Variants in KCNMB3 observed in about 807,000 individuals in gnomAD.
KCNMB3 encodes calcium-activated potassium channel subunit beta-3.
In KCNMB3, 18 loss-of-function variants were observed where a neutral mutation model predicts 11.9. The ratio of observed to expected loss-of-function variants is 1.51; its 90% confidence interval spans 1.04 to 2.23. KCNMB3 has a LOEUF of 2.23. Ranked by LOEUF, KCNMB3 falls within the 30% of genes most tolerant of loss-of-function variation. The probability of loss-of-function intolerance (pLI) is 0.00; values close to 1 mark genes in which losing one functional copy is unlikely to be tolerated. For missense variants in KCNMB3, 247 were observed against 329.4 expected, an observed-to-expected ratio of 0.75 and a Z score of 1.94; for synonymous variants, 78 against 119.2, an observed-to-expected ratio of 0.65 and a Z score of 2.25.
upstream of KCNMB3, among the ~76,000 whole-genome samples, chr3:179,253,563 T>A (rs1315134170): frequency 6.6e-6 from 1 of 152,190 alleles, no homozygotes; most frequent in African/African-American, 2.4e-5. Context: ...CCCAGCACTT[T>A]GGGAGGCCAA....
At chr3:179,247,605 C>T (rs545821404) in intron 1 of KCNMB3, among the ~76,000 whole-genome samples, 95 of 152,232 alleles carry the variant, frequency 6.2e-4, no homozygotes, top group South Asian at 3.9e-3. Flanking sequence ...GGTTTCCTAG[C>T]AGCCAAAGCA....
upstream of KCNMB3, among the ~76,000 whole-genome samples, chr3:179,253,021 C>T (rs2108448914): frequency 6.6e-6 from 1 of 152,276 alleles, no homozygotes; most frequent in Non-Finnish European, 1.5e-5. Flanking sequence ...TGAGCCACTG[C>T]ACCCAGCCAC....
chr3:179,253,691 A>C (rs2108449416), upstream of KCNMB3, among the ~76,000 whole-genome samples: 1 of 152,234 alleles, frequency 6.6e-6, no homozygotes, highest in East Asian at 1.9e-4. Flanking sequence ...CTGTAATCAC[A>C]GCTTCTCAGG....
chr3:179,259,127 G>T, intron 1 of KCNMB3: 1 of 1,580,672 alleles, frequency 6.3e-7, no homozygotes, highest in South Asian at 1.2e-5. Flanking sequence ...GTGCCAACAA[G>T]TCATGGTTTT....
intron 1 of KCNMB3, among the ~76,000 whole-genome samples, chr3:179,266,322 C>A (rs1726368066): frequency 1.3e-5 from 2 of 152,210 alleles, no homozygotes; most frequent in Non-Finnish European, 2.9e-5. Flanking sequence ...GGTCTAATTT[C>A]TTCATTCCTC....
At position 179,258,994 on chromosome 3, in the gene KCNMB3, C is replaced by T. The variant is rs778601296; in HGVS notation, c.62+7655G>A. On this transcript the variant is annotated intron_variant, in intron 1 of 3. Transcript: ENST00000349697. ...GCCCCTCACACTCAGACTTCCTGTG[C>T]ACCACGCCTGCCGCCTGCCTCAGCT... 21 of 1,614,068 alleles carry T rather than the reference C, an allele frequency of 1.3e-5. No individual in the cohort carries two copies. The Admixed American group carries it at 2.2e-4, about 17-fold the overall frequency.
At chr3:179,263,009 G>A (rs558956581) in intron 1 of KCNMB3, among the ~76,000 whole-genome samples, 88 of 152,354 alleles carry the variant, frequency 5.8e-4, no homozygotes, top group African/African-American at 1.9e-3. Context: ...ATCCCGCACC[G>A]GGGCCACAGG....
At chr3:179,259,166 G>GA in intron 1 of KCNMB3, 1 of 1,563,556 alleles carries the variant, frequency 6.4e-7, no homozygotes, top group Non-Finnish European at 8.6e-7. Context: ...AAGCTTTCCT[G>GA]ATGGTCTGAC....
intron 1 of KCNMB3, among the ~76,000 whole-genome samples, chr3:179,247,655 A>G (rs1390438672): frequency 6.6e-6 from 1 of 152,206 alleles, no homozygotes; most frequent in African/African-American, 2.4e-5. Context: ...CCTGGCGTCC[A>G]TTAAATGAAA....
intron 1 of KCNMB3, chr3:179,259,071 G>T (rs1726115942): frequency 1.2e-6 from 2 of 1,608,976 alleles, no homozygotes; most frequent in Non-Finnish European, 1.7e-6. Flanking sequence ...CCCTCCTCTG[G>T]TATCTTCTCT....
chr3:179,260,402 C>T (rs1726165227), intron 1 of KCNMB3: 1 of 1,613,844 alleles, frequency 6.2e-7, no homozygotes, highest in Non-Finnish European at 8.5e-7. Context: ...ATTTCTGGTC[C>T]TCGGTATTCT....
At chr3:179,247,224 G>T in intron 1 of KCNMB3, among the ~76,000 whole-genome samples, 1 of 152,054 alleles carries the variant, frequency 6.6e-6, no homozygotes, top group South Asian at 2.1e-4. Context: ...GTACCCTCAA[G>T]CCATCTCCCA....
At chr3:179,266,992 C>CTA, upstream of KCNMB3, 1 of 1,174,076 alleles carries the variant, frequency 8.5e-7, no homozygotes, top group Non-Finnish European at 1.1e-6. Context: ...GCTTCTCTCT[C>CTA]TTTGCACTGT....
chr3:179,243,110 G>A lies in KCNMB3; in HGVS notation c.622C>T (p.His208Tyr). The change falls in exon 3 of 3, where the codon CAC (histidine) becomes TAC (tyrosine). Residue 208 changes from histidine (H) to tyrosine (Y), a missense_variant. Transcript: ENST00000392685. ...GTCAGTGAAGGCCAAAATAAACAGT[G>A]GAAGATAGCCATTTGGTCATACTTT... Reference protein sequence around the residue: ...IKKYDQMAIFHCLFWPSLTLL... With the variant: ...IKKYDQMAIFYCLFWPSLTLL... The A allele has an allele frequency of 1.3e-6, 2 of 1,544,558 alleles. No homozygotes were observed. Among genetic ancestry groups the A allele is most frequent in the South Asian group, 1.2e-5 (1 of 80,708 alleles).
downstream of KCNMB3, chr3:179,239,849 C>T (rs1725405113): frequency 3.9e-6 from 2 of 510,102 alleles, no homozygotes; most frequent in Non-Finnish European, 7.0e-6. Flanking sequence ...TTTTTAATGT[C>T]CTTTTAATGA....
intron 1 of KCNMB3, among the ~76,000 whole-genome samples, chr3:179,248,146 C>A (rs1044313381): frequency 6.6e-6 from 1 of 152,078 alleles, no homozygotes. Context: ...GCAAGTCTTA[C>A]GTCAGAATGA....
intron 1 of KCNMB3, among the ~76,000 whole-genome samples, chr3:179,244,966 A>G (rs1210543730): frequency 6.6e-6 from 1 of 152,186 alleles, no homozygotes; most frequent in Non-Finnish European, 1.5e-5. Flanking sequence ...TGGTTTTCAA[A>G]CTTCAGAATC....
At chr3:179,247,151 C>T (rs1725669059) in intron 1 of KCNMB3, among the ~76,000 whole-genome samples, 2 of 152,090 alleles carry the variant, frequency 1.3e-5, no homozygotes, top group African/African-American at 4.8e-5. Flanking sequence ...CAAATAATTT[C>T]CAGGAATGCT....
At chr3:179,241,687 T>G (rs1225528352), downstream of KCNMB3, 4 of 152,240 alleles carry the variant, frequency 2.6e-5, no homozygotes, top group African/African-American at 9.6e-5. Flanking sequence ...TGGAAAGCAT[T>G]TGTTGAGAGC....
Sources: gnomAD v4.1 joint callset for allele counts (sites outside exome capture counted in the v4.1 genomes callset) on GRCh38, gnomAD v4.1.1 for gene constraint, MANE v1.5 for transcripts, NCBI Gene and HGNC (gene_info 2026-07-23, HGNC 2026-07-21) for gene names.